Variants in RAB31 observed in about 807,000 individuals in gnomAD.
The protein encoded by RAB31 is ras-related protein Rab-31.
In RAB31, 21 loss-of-function variants were observed where a neutral mutation model predicts 25.6. The observed-to-expected ratio is 0.82, with a 90% CI of 0.58 to 1.18. The LOEUF (loss-of-function observed/expected upper bound fraction) is 1.18. Among genes scored for constraint, RAB31 ranks in the 50% most tolerant of loss-of-function variants. The probability of loss-of-function intolerance (pLI) is 0.00; values close to 1 mark genes in which losing one functional copy is unlikely to be tolerated. For synonymous variants in RAB31, 87 were observed against 84.0 expected (o/e 1.04, Z -0.20); for missense variants, 196 against 250.1 (o/e 0.78, Z 1.46).
chr18:9,845,099 G>T (rs1467431472), intron 5 of RAB31, among the ~76,000 whole-genome samples: 2 of 152,252 alleles, frequency 1.3e-5, no homozygotes, highest in East Asian at 3.9e-4. Context: ...TTGTAGCCAT[G>T]GTCGGTATAA....
rs576213571 is a variant in RAB31 at position 9,794,016 on chromosome 18, C to T, written c.201+1781C>T. On this transcript the variant is annotated intron_variant, in intron 3 of 6. Coordinates refer to ENST00000578921, the MANE Select transcript of RAB31 (RefSeq NM_006868.4). ...TGCAATCACAGCTCACCTCAGCCTCCCGAGTAGCAGGGACCACAGGTGCTC... is the reference window on the plus strand; with the variant it reads ...TGCAATCACAGCTCACCTCAGCCTCTCGAGTAGCAGGGACCACAGGTGCTC... 2.4e-4 allele frequency among the ~76,000 whole-genome samples: 37 copies of T among 152,272 alleles called. No homozygotes were observed. The South Asian group carries it at 7.5e-3, about 31-fold the overall frequency.
chr18:9,717,119 A>G (rs1393555983), intron 1 of RAB31, among the ~76,000 whole-genome samples: 2 of 151,948 alleles, frequency 1.3e-5, no homozygotes, highest in African/African-American at 4.8e-5. Context: ...TTACTCTGTC[A>G]TCCAGGCTGG....
At chr18:9,826,715 G>A (rs1356723553) in intron 5 of RAB31, among the ~76,000 whole-genome samples, 16 of 152,300 alleles carry the variant, frequency 1.1e-4, no homozygotes, top group East Asian at 7.7e-4. Context: ...TGGATGGTTC[G>A]ACTCCCTTAT....
At position 9,766,680 on chromosome 18, in the gene RAB31, G is replaced by C. The variant is rs570255762; in HGVS notation, c.40-8598G>C. 1.3e-5 allele frequency among the ~76,000 whole-genome samples: 2 copies of C among 152,254 alleles called. No homozygotes were observed. Among genetic ancestry groups the C allele is most frequent in the African/African-American group, 2.4e-5 (1 of 41,534 alleles). On this transcript the variant is annotated intron_variant, in intron 1 of 6. Coordinates refer to ENST00000578921, the MANE Select transcript of RAB31 (RefSeq NM_006868.4). The surrounding 1 kb of genome is among the most constrained non-coding windows in gnomAD (Gnocchi z 4.3). ...AGACGTTTTAGAAGCATGTGGCTGG[G>C]CGCATGGCTCACACCGGTAATCTCA...
chr18:9,786,731 C>T (rs2068435224), intron 2 of RAB31: 1 of 152,108 alleles, frequency 6.6e-6, no homozygotes, highest in Non-Finnish European at 1.5e-5. Flanking sequence ...ATCTCCTACA[C>T]ATCTGGCTTC....
intron 2 of RAB31, among the ~76,000 whole-genome samples, chr18:9,775,851 TG>T (rs34412578): frequency 6.6e-6 from 1 of 152,068 alleles, no homozygotes; most frequent in Non-Finnish European, 1.5e-5. Context: ...TGGAGTGCAG[TG>T]GGGTGATCTT....
At chr18:9,722,356 A>G (rs2068077388) in intron 1 of RAB31, among the ~76,000 whole-genome samples, 1 of 152,130 alleles carries the variant, frequency 6.6e-6, no homozygotes, top group South Asian at 2.1e-4. Context: ...ACATGATCCC[A>G]TGTAAGCTGT....
At chr18:9,749,358 A>G (rs62078958) in intron 1 of RAB31, among the ~76,000 whole-genome samples, 487 of 45,354 alleles carry the variant, frequency 0.011, 5 homozygotes, top group African/African-American at 0.038. Context: ...CAGAGGGAAC[A>G]GAGGGAGCGG....
intron 5 of RAB31, among the ~76,000 whole-genome samples, chr18:9,822,090 A>G (rs1306866984): frequency 6.6e-6 from 1 of 152,196 alleles, no homozygotes; most frequent in Non-Finnish European, 1.5e-5. Context: ...TCGAGACAGT[A>G]TGGTATTGGC....
intron 1 of RAB31, among the ~76,000 whole-genome samples, chr18:9,709,232 G>C (rs1036878474): frequency 2.6e-5 from 4 of 152,188 alleles, no homozygotes; most frequent in African/African-American, 9.7e-5. Context: ...AGGGGACCCG[G>C]CGAGGACGCA....
At chr18:9,816,198 C>A in intron 5 of RAB31, 1 of 208,478 alleles carries the variant, frequency 4.8e-6, no homozygotes, top group Non-Finnish European at 1.1e-5. Context: ...TGTCTGCCCT[C>A]AGTGTAGTAA....
At chr18:9,765,243 C>T (rs1176550303) in intron 1 of RAB31, among the ~76,000 whole-genome samples, 1 of 152,202 alleles carries the variant, frequency 6.6e-6, no homozygotes, top group Non-Finnish European at 1.5e-5. Flanking sequence ...TGCGAGCCAC[C>T]ACACCCGGCT....
chr18:9,812,931 G>A (rs567550412), intron 3 of RAB31, among the ~76,000 whole-genome samples: 31 of 150,978 alleles, frequency 2.1e-4, no homozygotes, highest in Admixed American at 4.0e-4. Flanking sequence ...TCCTGACCTC[G>A]GGTGATCCTG....
chr18:9,755,859 C>G (rs1810836491), intron 1 of RAB31, among the ~76,000 whole-genome samples: 1 of 152,244 alleles, frequency 6.6e-6, no homozygotes, highest in South Asian at 2.1e-4. Flanking sequence ...GCCCTCTGCT[C>G]AGAGGCTGCA....
In RAB31 at chr18:9,792,218, A is replaced by G. The variant is rs1016002511; in HGVS notation, c.184A>G (p.Thr62Ala). The change falls in exon 3 of 7, where the codon ACT (threonine) becomes GCT (alanine). Residue 62 changes from threonine (T) to alanine (A), a missense_variant. Thr to Ala is a moderately conservative substitution (Grantham distance 58). Transcript: ENST00000578921. ...ACTTCACAAGTTCCTCATCTGGGAC[A>G]CTGCTGGTCAGGAACGGGTGAGTAT... ...NELHKFLIWD[T>A]AGQERFHSLA... 1 of 1,612,184 alleles carries G rather than the reference A, an allele frequency of 6.2e-7. No homozygotes were observed. The highest frequency in any genetic ancestry group is 1.3e-5 in the African/African-American group (1 of 74,920).
rs541044344 is a variant in RAB31 at position 9,811,711 on chromosome 18, A to G, written c.202-2309A>G. ...TCGTGTTATTCCTGCTCACAGAGACATACTCCCACATACATTTTACCCTAC... is the reference window on the plus strand; with the variant it reads ...TCGTGTTATTCCTGCTCACAGAGACGTACTCCCACATACATTTTACCCTAC... On this transcript the variant is annotated intron_variant, in intron 3 of 6. Transcript: ENST00000578921. 2.6e-5 allele frequency among the ~76,000 whole-genome samples: 4 copies of G among 152,344 alleles called. No individual in the cohort carries two copies. In the South Asian group the frequency reaches 8.3e-4, roughly 32 times the overall value.
intron 6 of RAB31, among the ~76,000 whole-genome samples, chr18:9,858,090 G>A (rs2068828263): frequency 6.6e-6 from 1 of 152,170 alleles, no homozygotes; most frequent in Non-Finnish European, 1.5e-5. Flanking sequence ...AAGGGGCATA[G>A]AAAAGTAGCA....
chr18:9,790,079 C>G (rs1018523265), intron 2 of RAB31, among the ~76,000 whole-genome samples: 1 of 152,168 alleles, frequency 6.6e-6, no homozygotes, highest in African/African-American at 2.4e-5. Context: ...ACCCCTGACT[C>G]TTTACCCCGA....
intron 6 of RAB31, among the ~76,000 whole-genome samples, chr18:9,854,525 G>A (rs2068805849): frequency 1.3e-5 from 2 of 152,106 alleles, no homozygotes; most frequent in South Asian, 4.1e-4. Flanking sequence ...GCACACTTAA[G>A]GCTCACCTAA....
Sources: allele counts gnomAD v4.1 joint callset (sites outside exome capture counted in the v4.1 genomes callset), GRCh38; gene constraint gnomAD v4.1.1; non-coding constraint Gnocchi (gnomAD v3.1); transcripts MANE v1.5; gene names NCBI Gene and HGNC (gene_info 2026-07-23, HGNC 2026-07-21).